The following SERPINB12 variants were observed in gnomAD, a reference collection of about 807,000 sequenced individuals.
The protein encoded by SERPINB12 is serpin B12.
In SERPINB12, 57 loss-of-function variants were observed where a neutral mutation model predicts 41.1. The observed-to-expected ratio is 1.39, with a 90% CI of 1.12 to 1.73. The LOEUF (loss-of-function observed/expected upper bound fraction) is 1.73. Ranked by LOEUF, SERPINB12 falls within the 40% of genes most tolerant of loss-of-function variation. The probability of loss-of-function intolerance (pLI) is 0.00; values close to 1 mark genes in which losing one functional copy is unlikely to be tolerated. For synonymous variants in SERPINB12, 180 were observed against 181.3 expected (o/e 0.99, Z 0.06); for missense variants, 536 against 501.9 (o/e 1.07, Z -0.65).
At chr18:63,552,759 T>A (rs757959786) in intron 1 of SERPINB12, among the ~76,000 whole-genome samples, 11 of 152,154 alleles carry the variant, frequency 7.2e-5, no homozygotes, top group Non-Finnish European at 1.2e-4. Flanking sequence ...TAGGTTGGTG[T>A]CAGATTTAGG....
chr18:63,542,742 G>T (rs1212971410), intron 1 of SERPINB12, among the ~76,000 whole-genome samples: 1 of 152,252 alleles, frequency 6.6e-6, no homozygotes, highest in East Asian at 1.9e-4. Context: ...TTGTCACCCA[G>T]GTAATAAGCA....
chr18:63,544,471 A>C (rs77016989), intron 1 of SERPINB12, among the ~76,000 whole-genome samples: 2,067 of 152,290 alleles, frequency 0.014, 38 homozygotes, highest in African/African-American at 0.047. Context: ...AGAAAATTGA[A>C]GTTTTCATGA....
At chr18:63,558,212 C>T in intron 2 of SERPINB12, 140 bp from the exon 3 acceptor site, 1 of 932,076 alleles carries the variant, frequency 1.1e-6, no homozygotes, top group Non-Finnish European at 1.5e-6. Context: ...ACAGAAGCAC[C>T]CACTTTCCTT....
intron 5 of SERPINB12, among the ~76,000 whole-genome samples, chr18:63,561,813 A>G (rs1910920248): frequency 1.3e-5 from 2 of 152,222 alleles, no homozygotes; most frequent in East Asian, 1.9e-4. Flanking sequence ...GTTCTCACTT[A>G]TAAGTGGGAG....
At chr18:63,560,971 T>A in intron 4 of SERPINB12, 114 bp from the exon 5 acceptor site, 3 of 710,242 alleles carry the variant, frequency 4.2e-6, no homozygotes, top group Non-Finnish European at 7.4e-6. Flanking sequence ...CCATGAAATG[T>A]GAAATGACCA....
intron 1 of SERPINB12, among the ~76,000 whole-genome samples, chr18:63,553,290 C>G (rs1422445887): frequency 1.3e-5 from 2 of 152,160 alleles, no homozygotes; most frequent in Admixed American, 6.5e-5. Flanking sequence ...CAGCCCTAGG[C>G]ATGAGGAAGT....
chr18:63,569,051 C>A lies in SERPINB12; in HGVS notation c.*2040C>A, dbSNP rs1037561667. ...CCATGTCTGACTTGGCACCACTGCC[C>A]GACACGTAGCTGGAAACCATGACCT... is the stretch of plus-strand genomic sequence containing the variant. On this transcript the variant is annotated 3_prime_UTR_variant, in exon 8 of 8. Coordinates refer to ENST00000382768, the MANE Select transcript of SERPINB12 (RefSeq NM_001307928.2). Among the ~76,000 whole-genome samples, 2 of 152,084 alleles carry A rather than the reference C, an allele frequency of 1.3e-5. No individual in the cohort carries two copies. The highest frequency in any genetic ancestry group is 2.1e-4 in the South Asian group (1 of 4,828).
intron 1 of SERPINB12, among the ~76,000 whole-genome samples, chr18:63,550,283 C>G (rs1910490763): frequency 6.6e-6 from 1 of 152,164 alleles, no homozygotes; most frequent in South Asian, 2.1e-4. Flanking sequence ...CAAACAATAA[C>G]TTCTTTGTGT....
intron 6 of SERPINB12, among the ~76,000 whole-genome samples, chr18:63,564,668 A>G (rs554580252): frequency 6.6e-6 from 1 of 152,278 alleles, no homozygotes; most frequent in African/African-American, 2.4e-5. Flanking sequence ...CCTCTGAAGG[A>G]GCAGGTGTTG....
chr18:63,559,002 C>CTTTCTTTCTTTCTTTCTCTCTTTCTTT (rs369241604), intron 3 of SERPINB12, among the ~76,000 whole-genome samples: 2 of 99,772 alleles, frequency 2.0e-5, no homozygotes, highest in African/African-American at 8.7e-5. Context: ...TTCTTTCCTT[C>CTTTCTTTCTTTCTTTCTCTCTTTCTTT]CTTCTTTCTT....
chr18:63,554,152 C>T (rs903933523), intron 1 of SERPINB12, among the ~76,000 whole-genome samples: 1 of 152,076 alleles, frequency 6.6e-6, no homozygotes, highest in Non-Finnish European at 1.5e-5. Flanking sequence ...GGAGAGTACC[C>T]ACATACAGCA....
Position 63,558,453 on chromosome 18 carries a change from G to A in SERPINB12, c.270G>A (p.Gly90=). Reference sequence around the variant, plus strand: ...TGCTGGCTGACAGCTCTCTGGAGGGGCAGAAAAAAACGACAGAGCCTCTGG... The same window carrying A: ...TGCTGGCTGACAGCTCTCTGGAGGGACAGAAAAAAACGACAGAGCCTCTGG... The part of the protein sequence containing the change: ...QKVLADSSLE[G]QKKTTEPLDQ... The change falls in exon 3 of 8, where the codon GGG becomes GGA. Residue 90 remains glycine (G), a synonymous_variant. Transcript: ENST00000382768. 6.2e-7 allele frequency: 1 copy of A among 1,613,174 alleles called. No homozygotes were observed.
At chr18:63,546,807 A>G (rs1568124609) in intron 1 of SERPINB12, among the ~76,000 whole-genome samples, 1 of 152,300 alleles carries the variant, frequency 6.6e-6, no homozygotes, top group South Asian at 2.1e-4. Flanking sequence ...TAATCTATCA[A>G]TGATGATTTT....
chr18:63,543,191 A>G (rs952165899), intron 1 of SERPINB12, among the ~76,000 whole-genome samples: 11 of 152,192 alleles, frequency 7.2e-5, no homozygotes, highest in African/African-American at 2.7e-4. Context: ...GTTACATATC[A>G]GGTCCTTGAA....
chr18:63,563,014 A>G lies in SERPINB12; in HGVS notation c.563-964A>G, dbSNP rs147507975. On this transcript the variant is annotated intron_variant, in intron 5 of 7. Transcript: ENST00000382768. ...GGAAGGAGCCCCAGAGCTGAGCCCA[A>G]AGGTGGAAGGCCTGAGGACCCATTC... Among the ~76,000 whole-genome samples the G allele has an allele frequency of 2.6e-3, 394 of 152,258 alleles. 5 individuals carry two copies. Among genetic ancestry groups the G allele is most frequent in the African/African-American group, 9.0e-3 (373 of 41,556 alleles).
rs1017180438 is a variant in SERPINB12, at chr18:63,567,872, G to A, written c.*861G>A. 6.6e-6 allele frequency among the ~76,000 whole-genome samples: 1 copy of A among 152,234 alleles called. No homozygotes were observed. Among genetic ancestry groups the A allele is most frequent in the Non-Finnish European group, 1.5e-5 (1 of 68,042 alleles). ...CAAGAGAAGTGCTGCTGGCATTGTG[G>A]ACGGCTGGCCTCCGTATGCCCCTCT... On this transcript the variant is annotated 3_prime_UTR_variant, in exon 8 of 8. Transcript: ENST00000382768.
intron 7 of SERPINB12, 120 bp from the exon 8 acceptor site, chr18:63,566,487 A>T: frequency 1.2e-6 from 1 of 810,790 alleles, no homozygotes. Flanking sequence ...TCTCTAGCTT[A>T]GGGAAAGGTC....
intron 1 of SERPINB12, among the ~76,000 whole-genome samples, chr18:63,548,896 AGAAATCCCATGTT>A (rs1910453767): frequency 6.6e-6 from 1 of 152,132 alleles, no homozygotes; most frequent in South Asian, 2.1e-4. Flanking sequence ...TATTTGACCT[AGAAATCCCATGTT>A]GAAGAAGATA....
upstream of SERPINB12, among the ~76,000 whole-genome samples, chr18:63,538,639 A>G (rs1003615817): frequency 3.3e-5 from 5 of 152,168 alleles, no homozygotes; most frequent in Admixed American, 3.3e-4. Context: ...TATGATTAAT[A>G]TTGCTATGAA....
Sources: allele counts gnomAD v4.1 joint callset (sites outside exome capture counted in the v4.1 genomes callset), GRCh38; gene constraint gnomAD v4.1.1; transcripts MANE v1.5; gene names NCBI Gene and HGNC (gene_info 2026-07-23, HGNC 2026-07-21).